PXYLP1: variants seen among roughly 807,000 people sequenced by gnomAD.
PXYLP1 encodes the protein acid phosphatase-like 2.
A neutral mutation model predicts 37.9 loss-of-function variants in PXYLP1; 17 were observed. The observed-to-expected ratio is 0.45, with a 90% CI of 0.31 to 0.67. The LOEUF (loss-of-function observed/expected upper bound fraction) is 0.67, where lower values mean the gene tolerates loss of function less well. Among genes scored for constraint, PXYLP1 ranks in the 30% least tolerant of loss-of-function variants. PXYLP1 has a pLI of 0.07. For missense variants in PXYLP1, 511 were observed against 612.0 expected (o/e 0.84, Z 1.74); for synonymous variants, 221 against 232.2 (o/e 0.95, Z 0.44).
intron 2 of PXYLP1, chr3:141,274,471 A>G (rs1005164419): frequency 2.0e-6 from 3 of 1,509,872 alleles, no homozygotes; most frequent in Non-Finnish European, 2.7e-6. Flanking sequence ...CAGCTTCATC[A>G]GTTTTTCAGG....
intron 2 of PXYLP1, chr3:141,273,176 C>G (rs1344454287): frequency 1.1e-5 from 11 of 985,116 alleles, no homozygotes; most frequent in African/African-American, 1.7e-5. Context: ...GATTGTAAAC[C>G]CCGTGAGGGC....
intron 2 of PXYLP1, chr3:141,274,192 A>C (rs1309664653): frequency 3.8e-6 from 4 of 1,046,796 alleles, no homozygotes; most frequent in Non-Finnish European, 4.6e-6. Context: ...CCCTTTATCT[A>C]GGTGATCGGG....
At chr3:141,238,522 A>G (rs1211920473) in intron 1 of PXYLP1, among the ~76,000 whole-genome samples, 1 of 152,232 alleles carries the variant, frequency 6.6e-6, no homozygotes, top group Non-Finnish European at 1.5e-5. Flanking sequence ...ATAAGTCAGC[A>G]GTCAGACTGG....
At chr3:141,264,655 G>C (rs1480117369) in intron 2 of PXYLP1, among the ~76,000 whole-genome samples, 1 of 152,210 alleles carries the variant, frequency 6.6e-6, no homozygotes. Flanking sequence ...TGCTGGGACA[G>C]GTAAGAGGCA....
chr3:141,259,811 A>G (rs1454210570), intron 1 of PXYLP1, among the ~76,000 whole-genome samples: 2 of 152,230 alleles, frequency 1.3e-5, no homozygotes, highest in East Asian at 1.9e-4. Context: ...TAAATACCCA[A>G]TAAACATCCT....
chr3:141,252,875 A>G (rs552145127), intron 1 of PXYLP1, among the ~76,000 whole-genome samples: 1 of 152,212 alleles, frequency 6.6e-6, no homozygotes, highest in East Asian at 1.9e-4. Flanking sequence ...CAAAGTGCAA[A>G]ATGTTCCAGG....
At chr3:141,264,614 A>G (rs1941464624) in intron 2 of PXYLP1, among the ~76,000 whole-genome samples, 1 of 152,172 alleles carries the variant, frequency 6.6e-6, no homozygotes, top group African/African-American at 2.4e-5. Flanking sequence ...GAAGAATCAC[A>G]AGCCGACACC....
rs1253253186 is a variant in PXYLP1 at position 141,294,579 on chromosome 3, T to C, written c.*1374T>C. On this transcript the variant is annotated 3_prime_UTR_variant, in exon 6 of 6. Transcript: ENST00000286353. ...CATTCCAACTTTTTCTCTTTGTTTTTGTCCAGTGTTGCATTTGAATATGTC... is the reference window on the plus strand; with the variant it reads ...CATTCCAACTTTTTCTCTTTGTTTTCGTCCAGTGTTGCATTTGAATATGTC... 1 of 152,242 alleles carries C rather than the reference T, an allele frequency of 6.6e-6. No homozygotes were observed. Among genetic ancestry groups the C allele is most frequent in the Non-Finnish European group, 1.5e-5 (1 of 68,044 alleles). 9.4% of individuals were successfully genotyped at this position (152,242 alleles called of 1,614,324 possible). A position where few individuals can be genotyped will look rare whatever the true frequency, so the allele number is the denominator to read the frequency against.
chr3:141,275,036 G>A (rs1941760116), intron 2 of PXYLP1, among the ~76,000 whole-genome samples: 1 of 152,208 alleles, frequency 6.6e-6, no homozygotes, highest in Non-Finnish European at 1.5e-5. Flanking sequence ...CAGCTTCTAT[G>A]TGTCAGGACC....
rs142918405 is a variant in PXYLP1 at position 141,293,056 on chromosome 3, A to G, written c.1294A>G (p.Thr432Ala). 1.5e-4 allele frequency: 247 copies of G among 1,613,780 alleles called. No homozygotes were observed. Among genetic ancestry groups the G allele is most frequent in the Non-Finnish European group, 2.0e-4 (232 of 1,179,966 alleles). ...CAATGGCGTCGATGTCACATTCCAC[A>G]CCTCTTTCTGCCAAGACCACCACAA... ...LYNGVDVTFHTSFCQDHHKRS... is the reference protein window; with the variant it reads ...LYNGVDVTFHASFCQDHHKRS... The change falls in exon 6 of 6, where the codon ACC becomes GCC. Residue 432 changes from threonine to alanine, a missense_variant. Thr to Ala is a moderately conservative substitution (Grantham distance 58). Transcript: ENST00000286353.
intron 1 of PXYLP1, chr3:141,235,252 C>A (rs768970817): frequency 6.6e-6 from 1 of 152,266 alleles, no homozygotes; most frequent in African/African-American, 2.4e-5. Flanking sequence ...TGAAAGCCAG[C>A]TGAGACTTGG....
chr3:141,236,772 C>T (rs1267943983), intron 1 of PXYLP1, among the ~76,000 whole-genome samples: 3 of 151,976 alleles, frequency 2.0e-5, no homozygotes, highest in East Asian at 1.9e-4. Context: ...GTTGGATTAC[C>T]GTAAAGTTAG....
At chr3:141,258,928 A>G (rs1941326411) in intron 1 of PXYLP1, 3 of 152,254 alleles carry the variant, frequency 2.0e-5, no homozygotes, top group Admixed American at 2.0e-4. Flanking sequence ...TCAATCTGTT[A>G]GCAAATGTTC....
At chr3:141,275,893 A>G (rs1462939963) in intron 2 of PXYLP1, among the ~76,000 whole-genome samples, 1 of 152,276 alleles carries the variant, frequency 6.6e-6, no homozygotes, top group East Asian at 1.9e-4. Context: ...CTATAAATAC[A>G]TATGCAGTCA....
chr3:141,245,702 G>C (rs946737991), intron 1 of PXYLP1, among the ~76,000 whole-genome samples: 32 of 152,350 alleles, frequency 2.1e-4, no homozygotes, highest in African/African-American at 7.7e-4. Flanking sequence ...GTGTCCAGTA[G>C]ACAAGAACCA....
intron 1 of PXYLP1, among the ~76,000 whole-genome samples, chr3:141,233,112 T>G (rs1199801906): frequency 6.6e-6 from 1 of 152,142 alleles, no homozygotes; most frequent in Admixed American, 6.5e-5. Context: ...GGCAGTAACT[T>G]ACCCTCCTCA....
intron 2 of PXYLP1, among the ~76,000 whole-genome samples, chr3:141,260,985 G>A (rs1941381677): frequency 6.6e-6 from 1 of 152,192 alleles, no homozygotes; most frequent in Non-Finnish European, 1.5e-5. Flanking sequence ...CCTTTGCCAA[G>A]AGCGTTCTCC....
In PXYLP1 at chr3:141,294,170, G is replaced by C. The variant is rs1272682788; in HGVS notation, c.*965G>C. The C allele has an allele frequency of 6.6e-6, 1 of 152,128 alleles. No individual in the cohort carries two copies. Among genetic ancestry groups the C allele is most frequent in the Non-Finnish European group, 1.5e-5 (1 of 68,018 alleles). The allele number at this position is 152,128 out of a possible 1,614,324, so 9.4% of individuals were successfully genotyped here. On this transcript the variant is annotated 3_prime_UTR_variant, in exon 6 of 6. Transcript: ENST00000286353. Reference sequence around the variant, plus strand: ...TTGTATGCCATTTAGTATTTTTATAGTTTAGGAAAATATTTTCTAAGACCA... The same window carrying C: ...TTGTATGCCATTTAGTATTTTTATACTTTAGGAAAATATTTTCTAAGACCA...
rs201734068 is a variant in PXYLP1 at position 141,278,443 on chromosome 3, G to A, written c.181G>A (p.Val61Ile). The A allele has an allele frequency of 1.2e-5, 20 of 1,614,058 alleles. No individual in the cohort carries two copies. Among genetic ancestry groups the A allele is most frequent in the East Asian group, 6.7e-5 (3 of 44,900 alleles). ...PVTEPPVTDP[V>I]YEALLYCNIP... ...GACGGAGCCCCCTGTGACAGACCCC[G>A]TTTATGAAGCTCTTTTGTACTGCAA... Residue 61 changes from valine (V) to isoleucine (I), a missense_variant, in exon 3 of 6, where the codon GTT becomes ATT. Transcript: ENST00000286353.
Sources: gnomAD v4.1 joint callset for allele counts (sites outside exome capture counted in the v4.1 genomes callset) on GRCh38, gnomAD v4.1.1 for gene constraint, MANE v1.5 for transcripts, NCBI Gene and HGNC (gene_info 2026-07-23, HGNC 2026-07-21) for gene names.